PLS3: variants seen among roughly 807,000 people sequenced by gnomAD.
PLS3 encodes the protein plastin 3.
Under a neutral mutation model 46.5 loss-of-function variants are expected in PLS3, and 11 were observed. The ratio of observed to expected loss-of-function variants is 0.24; its 90% CI spans 0.15 to 0.39. The LOEUF (loss-of-function observed/expected upper bound fraction) is 0.39. PLS3 is among the 10% of genes least tolerant of loss of function. The pLI, the probability that PLS3 is intolerant of heterozygous loss-of-function variation, is 1.00. For synonymous variants in PLS3, 167 were observed against 162.2 expected (o/e 1.03, Z -0.22); for missense variants, 308 against 461.8 (o/e 0.67, Z 3.05).
chrX:115,646,748 T>A (rs1556641746), intron 13 of PLS3, among the ~76,000 whole-genome samples: 1 of 112,569 alleles, frequency 8.9e-6, no homozygotes, highest in Non-Finnish European at 1.9e-5. Context: ...GGTTAGTCCC[T>A]TTTTTAAAAA....
At chrX:115,592,759 A>G (rs1055633518) in intron 1 of PLS3, among the ~76,000 whole-genome samples, 4 of 111,770 alleles carry the variant, frequency 3.6e-5, no homozygotes, top group Non-Finnish European at 7.5e-5. Context: ...ACAACCATGT[A>G]TAAAATAGTG....
chrX:115,584,292 G>GCCAGGCACTGTTCTAT (rs1335681241), intron 1 of PLS3, among the ~76,000 whole-genome samples: 1 of 111,862 alleles, frequency 8.9e-6, no homozygotes, highest in Non-Finnish European at 1.9e-5. Context: ...CCTACTGTAT[G>GCCAGGCACTGTTCTAT]CCAGGCACTG....
At chrX:115,611,817 A>G (rs1291307541) in intron 2 of PLS3, among the ~76,000 whole-genome samples, 1 of 112,101 alleles carries the variant, frequency 8.9e-6, no homozygotes, top group Admixed American at 9.5e-5. Flanking sequence ...AATGACATAA[A>G]GAGGATTGAC....
intron 3 of PLS3, among the ~76,000 whole-genome samples, chrX:115,624,041 CAACATGGTGA>C (rs1172650469): frequency 9.0e-6 from 1 of 110,731 alleles, no homozygotes; most frequent in Non-Finnish European, 1.9e-5. Context: ...CCATACTGGC[CAACATGGTGA>C]AACCCGGTCT....
At chrX:115,599,762 A>C (rs782468431) in intron 1 of PLS3, among the ~76,000 whole-genome samples, 1 of 107,805 alleles carries the variant, frequency 9.3e-6, no homozygotes, top group East Asian at 2.9e-4. Context: ...CCCCTTGAGT[A>C]GCTGGGACTA....
intron 10 of PLS3, among the ~76,000 whole-genome samples, chrX:115,644,673 T>C (rs1556641447): frequency 3.6e-5 from 4 of 111,228 alleles, no homozygotes; most frequent in Non-Finnish European, 7.5e-5. Context: ...GATATTTCTA[T>C]AAAACCAGTA....
intron 1 of PLS3, among the ~76,000 whole-genome samples, chrX:115,605,706 T>C (rs1263812201): frequency 9.0e-6 from 1 of 111,200 alleles, no homozygotes; most frequent in Non-Finnish European, 1.9e-5. Context: ...TCAAGCGATC[T>C]GCCCACCTCC....
chrX:115,577,886 T>C (rs374485654), intron 1 of PLS3, among the ~76,000 whole-genome samples: 6 of 111,813 alleles, frequency 5.4e-5, no homozygotes, highest in African/African-American at 1.3e-4. Context: ...CATCTATTCA[T>C]TGACTTATTC....
intron 3 of PLS3, among the ~76,000 whole-genome samples, chrX:115,624,943 G>A (rs1297391889): frequency 9.0e-6 from 1 of 111,724 alleles, no homozygotes; most frequent in Non-Finnish European, 1.9e-5. Context: ...CAGAGGACTA[G>A]TGGCTTTTTC....
chrX:115,598,829 C>CT (rs1396273446), intron 1 of PLS3, among the ~76,000 whole-genome samples: 19 of 110,763 alleles, frequency 1.7e-4, no homozygotes, highest in Non-Finnish European at 3.2e-4. Flanking sequence ...CGTTTGTGTG[C>CT]TTTTTTTTCA....
chrX:115,611,744 T>C (rs2074550373), intron 2 of PLS3, among the ~76,000 whole-genome samples: 1 of 111,711 alleles, frequency 9.0e-6, no homozygotes, highest in Non-Finnish European at 1.9e-5. Flanking sequence ...CAGATATTGT[T>C]TACCTGATGA....
intron 9 of PLS3, among the ~76,000 whole-genome samples, chrX:115,641,334 TCTC>T (rs1556640979): frequency 9.5e-6 from 1 of 105,723 alleles, no homozygotes; most frequent in African/African-American, 3.5e-5. Context: ...TTCAAGCAAT[TCTC>T]CTGCCTCAGC....
At chrX:115,588,697 T>C (rs1158621382) in intron 1 of PLS3, among the ~76,000 whole-genome samples, 1 of 110,859 alleles carries the variant, frequency 9.0e-6, no homozygotes, top group Non-Finnish European at 1.9e-5. Flanking sequence ...GTTGTTTCCC[T>C]CCTTATCCCT....
intron 13 of PLS3, 52 bp from the exon 14 acceptor site, chrX:115,647,498 C>T: frequency 9.2e-7 from 1 of 1,089,109 alleles, no homozygotes; most frequent in Admixed American, 2.5e-5. Flanking sequence ...CTGATGTTTG[C>T]ATTTTTCCTC....
At chrX:115,633,304 G>A (rs1202119724) in intron 5 of PLS3, among the ~76,000 whole-genome samples, 16 of 109,283 alleles carry the variant, frequency 1.5e-4, no homozygotes, top group African/African-American at 5.3e-4. Flanking sequence ...CCGACTAGCT[G>A]GGACTACAGG....
rs782290106 is a variant in PLS3, at chrX:115,596,328, G to C, written c.-8-13915G>C. 8.0e-5 allele frequency among the ~76,000 whole-genome samples: 9 copies of C among 112,068 alleles called. No individual in the cohort carries two copies. The East Asian group carries it at 2.5e-3, about 31-fold the overall frequency. ...ACTTTCCCTACTCACCTCCATCGAA[G>C]TTTATTTATTGAACAAACATTCGGT... On this transcript the variant is annotated intron_variant, in intron 1 of 15. Coordinates refer to ENST00000355899, the MANE Select transcript of PLS3 (RefSeq NM_005032.7).
At chrX:115,571,515 A>G (rs1372503915) in intron 1 of PLS3, among the ~76,000 whole-genome samples, 2 of 20,266 alleles carry the variant, frequency 9.9e-5, no homozygotes, top group South Asian at 1.7e-3. Context: ...AAGACTCTGG[A>G]AAAAAAAAAA....
At chrX:115,633,257 G>T (rs781823067) in intron 5 of PLS3, among the ~76,000 whole-genome samples, 1 of 108,199 alleles carries the variant, frequency 9.2e-6, no homozygotes, top group Non-Finnish European at 1.9e-5. Flanking sequence ...TTCAACCTCC[G>T]CCTCCCAGGT....
intron 2 of PLS3, among the ~76,000 whole-genome samples, chrX:115,620,522 G>A (rs2147511511): frequency 9.2e-6 from 1 of 109,187 alleles, no homozygotes; most frequent in Admixed American, 9.9e-5. Flanking sequence ...GACATTTTAA[G>A]CTGCATAACT....
Sources: gnomAD v4.1 joint callset for allele counts (sites outside exome capture counted in the v4.1 genomes callset) on GRCh38, gnomAD v4.1.1 for gene constraint, MANE v1.5 for transcripts, NCBI Gene and HGNC (gene_info 2026-07-23, HGNC 2026-07-21) for gene names.